RNASEH2A: variants seen among roughly 807,000 people sequenced by gnomAD.
The protein encoded by RNASEH2A is ribonuclease H2 subunit A.
RNASEH2A carries 30 observed loss-of-function variants against 32.7 expected under a neutral mutation model. The observed-to-expected ratio is 0.92, with a 90% confidence interval of 0.69 to 1.25. The LOEUF (loss-of-function observed/expected upper bound fraction) is 1.25. Among genes scored for constraint, RNASEH2A ranks in the 50% most tolerant of loss-of-function variants. The pLI is 0.00. For missense variants in RNASEH2A, 409 were observed against 398.1 expected, an observed-to-expected ratio of 1.03 and a Z score of -0.23; for synonymous variants, 147 against 165.4, an observed-to-expected ratio of 0.89 and a Z score of 0.86.
chr19:12,807,573 G>C (rs963762448), intron 4 of RNASEH2A, 67 bp downstream of exon 4: 2 of 1,290,904 alleles, frequency 1.5e-6, no homozygotes, highest in Non-Finnish European at 1.1e-6. Context: ...ACAGGAGTTC[G>C]AGACTGCAGT....
At chr19:12,807,129 G>A (rs749817823) in intron 2 of RNASEH2A, 50 bp downstream of exon 2, 5 of 1,614,158 alleles carry the variant, frequency 3.1e-6, no homozygotes, top group Non-Finnish European at 4.2e-6. Context: ...TATGTGCAGG[G>A]GCAGGTGAGA....
intron 4 of RNASEH2A, among the ~76,000 whole-genome samples, chr19:12,808,942 A>C (rs1227455438): frequency 6.6e-6 from 1 of 152,074 alleles, no homozygotes; most frequent in Non-Finnish European, 1.5e-5. Context: ...AGAAGAAAGA[A>C]AGGAATTATA....
intron 4 of RNASEH2A, 137 bp downstream of exon 4, chr19:12,807,643 A>G (rs1969014294): frequency 2.5e-6 from 2 of 811,990 alleles, no homozygotes; most frequent in Non-Finnish European, 4.2e-6. Flanking sequence ...CCCAACTCAA[A>G]AATGGAGGCA....
chr19:12,807,144 A>G, intron 2 of RNASEH2A, 62 bp from the exon 3 acceptor site: 1 of 1,614,092 alleles, frequency 6.2e-7, no homozygotes. Flanking sequence ...GTGAGAACTG[A>G]AAGGGGAGGG....
chr19:12,806,997 C>A lies in RNASEH2A; in HGVS notation c.128-11C>A, dbSNP rs751799260. On this transcript the variant is annotated splice_polypyrimidine_tract_variant and intron_variant, in intron 1 of 7. Transcript: ENST00000221486. ...CCCGGCTGCCAGAAAACTGACACCC[C>A]TTCTCCCCAGGCCCCATGGTCTACG... The A allele has an allele frequency of 1.9e-6, 3 of 1,613,376 alleles. No individual in the cohort carries two copies. The highest frequency in any genetic ancestry group is 2.5e-6 in the Non-Finnish European group (3 of 1,179,958).
intron 6 of RNASEH2A, among the ~76,000 whole-genome samples, chr19:12,811,794 G>A (rs1444258327): frequency 6.6e-6 from 1 of 151,856 alleles, no homozygotes; most frequent in African/African-American, 2.4e-5. Flanking sequence ...GCACACGCCC[G>A]TAATCCCAGC....
Position 12,807,040 on chromosome 19 carries a change from C to T in RNASEH2A, c.160C>T (p.Leu54=), listed in dbSNP as rs771789854. The part of the protein sequence containing the change: ...PMVYAICYCP[L]PRLADLEALK... Reference sequence around the variant, plus strand: ...GGTCTACGCCATCTGTTATTGTCCCCTGCCTCGCCTGGCAGATCTGGAGGC... The same window carrying T: ...GGTCTACGCCATCTGTTATTGTCCCTTGCCTCGCCTGGCAGATCTGGAGGC... Residue 54 remains leucine (L), a synonymous_variant, in exon 2 of 8, where the codon CTG becomes TTG. Coordinates refer to ENST00000221486, the MANE Select transcript of RNASEH2A (RefSeq NM_006397.3). 1 of 1,614,152 alleles carries T rather than the reference C, an allele frequency of 6.2e-7. No individual in the cohort carries two copies. Among genetic ancestry groups the T allele is most frequent in the East Asian group, 2.2e-5 (1 of 44,886 alleles).
intron 6 of RNASEH2A, among the ~76,000 whole-genome samples, chr19:12,812,274 T>C (rs1969084599): frequency 6.6e-6 from 1 of 152,146 alleles, no homozygotes; most frequent in African/African-American, 2.4e-5. Flanking sequence ...ACACCTGTAA[T>C]CCCAGCACTT....
At chr19:12,806,892 G>C (rs1277516823) in intron 1 of RNASEH2A, 92 bp downstream of exon 1, 1 of 1,597,116 alleles carries the variant, frequency 6.3e-7, no homozygotes. Context: ...GAGGGGATGT[G>C]GTCGTGGTGA....
intron 4 of RNASEH2A, among the ~76,000 whole-genome samples, chr19:12,809,430 G>A (rs1200794556): frequency 6.6e-6 from 1 of 152,122 alleles, no homozygotes; most frequent in African/African-American, 2.4e-5. Flanking sequence ...CTCACACCTA[G>A]AGCCCTCTTC....
chr19:12,808,394 C>T (rs183702210), intron 4 of RNASEH2A, among the ~76,000 whole-genome samples: 37 of 152,218 alleles, frequency 2.4e-4, no homozygotes, highest in East Asian at 2.3e-3. Flanking sequence ...GCCACACTGA[C>T]GACCACAGTG....
In RNASEH2A at chr19:12,806,628, T is replaced by C. The variant is rs746966082; in HGVS notation, c.-46T>C. The C allele has an allele frequency of 5.6e-5, 88 of 1,559,164 alleles. No individual in the cohort carries two copies. Among genetic ancestry groups the C allele is most frequent in the Non-Finnish European group, 7.3e-5 (84 of 1,151,438 alleles). ...GCGGAAAACGCGCGCCGAGACCCGC[T>C]CCTGCAGTATTAGTTCTTGCAGCTG... is the stretch of plus-strand genomic sequence containing the variant. On this transcript the variant is annotated 5_prime_UTR_variant, in exon 1 of 8. Transcript: ENST00000221486.
At position 12,807,189 on chromosome 19, in the gene RNASEH2A, T is replaced by C; in HGVS notation, c.200-17T>C. On this transcript the variant is annotated splice_polypyrimidine_tract_variant and intron_variant, in intron 2 of 7. Transcript: ENST00000221486. ...GGAGAACCAGCTGTTCCCCTTCTCT[T>C]CCAAACCTCCTCCCAGACTCAAAGA... 8 of 1,614,030 alleles carry C rather than the reference T, an allele frequency of 5.0e-6. No homozygotes were observed. The highest frequency in any genetic ancestry group is 6.8e-6 in the Non-Finnish European group (8 of 1,179,970).
chr19:12,810,525 T>A, intron 6 of RNASEH2A, 121 bp downstream of exon 6: 2 of 943,366 alleles, frequency 2.1e-6, no homozygotes, highest in Non-Finnish European at 3.3e-6. Context: ...TTTGTTTTTA[T>A]TTGTTATTTT....
rs1969006476 is a variant in RNASEH2A at position 12,807,214 on chromosome 19, A to G, written c.208A>G (p.Thr70Ala). The G allele has an allele frequency of 6.2e-7, 1 of 1,613,952 alleles. No homozygotes were observed. Among genetic ancestry groups the G allele is most frequent in the Non-Finnish European group, 8.5e-7 (1 of 1,179,994 alleles). The change falls in exon 3 of 8, where the codon ACC becomes GCC. Residue 70 changes from threonine to alanine, a missense_variant. Coordinates refer to ENST00000221486, the MANE Select transcript of RNASEH2A (RefSeq NM_006397.3). ...LEALKVADSKTLLESERERLF... is the reference protein window; with the variant it reads ...LEALKVADSKALLESERERLF... ...TCCAAACCTCCTCCCAGACTCAAAG[A>G]CCCTATTGGAGAGCGAGCGGGAAAG...
At chr19:12,807,658 G>C in intron 4 of RNASEH2A, 152 bp downstream of exon 4, 1 of 745,802 alleles carries the variant, frequency 1.3e-6, no homozygotes, top group South Asian at 1.5e-5. Flanking sequence ...GAGGCAGGGC[G>C]CAGTGGCTCA....
intron 4 of RNASEH2A, 175 bp downstream of exon 4, chr19:12,807,681 C>G: frequency 1.5e-6 from 1 of 677,774 alleles, no homozygotes; most frequent in Admixed American, 2.1e-5. Flanking sequence ...CCTATAATCG[C>G]AGCACTTTGG....
chr19:12,807,234 G>A lies in RNASEH2A; in HGVS notation c.228G>A (p.Arg76=). 1 of 1,614,186 alleles carries A rather than the reference G, an allele frequency of 6.2e-7. No homozygotes were observed. The highest frequency in any genetic ancestry group is 2.2e-5 in the East Asian group (1 of 44,878). ...CAAAGACCCTATTGGAGAGCGAGCG[G>A]GAAAGGCTGTTTGCGAAAATGGAGG... is the stretch of plus-strand genomic sequence containing the variant. ...ADSKTLLESE[R]ERLFAKMEDT... is the part of the protein sequence containing the mutation. The change falls in exon 3 of 8, where the codon CGG becomes CGA. Residue 76 remains arginine (R), a synonymous_variant. Transcript: ENST00000221486.
intron 6 of RNASEH2A, among the ~76,000 whole-genome samples, chr19:12,810,721 G>A (rs189678185): frequency 2.6e-5 from 4 of 152,194 alleles, no homozygotes; most frequent in Admixed American, 1.3e-4. Flanking sequence ...GTAGAGACTA[G>A]TTTTCTCCAT....
Sources: allele counts gnomAD v4.1 joint callset (sites outside exome capture counted in the v4.1 genomes callset), GRCh38; gene constraint gnomAD v4.1.1; transcripts MANE v1.5; gene names NCBI Gene and HGNC (gene_info 2026-07-23, HGNC 2026-07-21).